The following GLIS3 variants were observed in gnomAD, a reference collection of about 807,000 sequenced individuals.
GLIS3 encodes zinc finger protein GLIS3.
Under a neutral mutation model 78.6 loss-of-function variants are expected in GLIS3, and 53 were observed. The ratio of observed to expected loss-of-function variants is 0.67; its 90% CI spans 0.54 to 0.85. GLIS3 has a LOEUF of 0.85. Ranked by LOEUF, GLIS3 falls within the 40% of genes least tolerant of loss-of-function variation. The pLI is 0.00. For missense variants in GLIS3, 1,703 were observed against 1,231.1 expected (o/e 1.38, Z -5.74); for synonymous variants, 684 against 509.9 (o/e 1.34, Z -4.60).
chr9:4,153,493 G>A (rs1331720318), intron 2 of GLIS3, among the ~76,000 whole-genome samples: 1 of 152,098 alleles, frequency 6.6e-6, no homozygotes, highest in Non-Finnish European at 1.5e-5. Flanking sequence ...CAGCCCAGGA[G>A]GCAGAGGTTG....
intron 4 of GLIS3, among the ~76,000 whole-genome samples, chr9:4,057,978 T>C (rs1465017878): frequency 1.3e-5 from 2 of 152,202 alleles, no homozygotes; most frequent in Non-Finnish European, 2.9e-5. Context: ...TTTATCTTTA[T>C]TCTGGGTTTT....
At chr9:4,189,542 G>A (rs1818132418) in intron 2 of GLIS3, among the ~76,000 whole-genome samples, 1 of 152,096 alleles carries the variant, frequency 6.6e-6, no homozygotes, top group South Asian at 2.1e-4. Flanking sequence ...CAATTCCTGG[G>A]TATCGTTGTT....
At chr9:3,976,883 G>A (rs552141793) in intron 4 of GLIS3, among the ~76,000 whole-genome samples, 3 of 93,598 alleles carry the variant, frequency 3.2e-5, no homozygotes, top group Admixed American at 2.5e-4. Context: ...AAAAAAAAAA[G>A]CTTCTGACAA....
intron 2 of GLIS3, among the ~76,000 whole-genome samples, chr9:4,283,513 G>A (rs1827739533): frequency 6.6e-6 from 1 of 152,020 alleles, no homozygotes; most frequent in Non-Finnish European, 1.5e-5. Context: ...TGATCTGCCT[G>A]CCTTGGCCTC....
rs922568278 is a variant in GLIS3, at chr9:4,277,685, A to T, written c.388+8353T>A. Among the ~76,000 whole-genome samples, 4 of 152,228 alleles carry T rather than the reference A, an allele frequency of 2.6e-5. No homozygotes were observed. The South Asian group carries it at 8.3e-4, about 31-fold the overall frequency. ...AATGTCAGAAGCCCTGAAGTAAAATAAAAACTCTTATAATGAAAATCTTCC... is the reference window on the plus strand; with the variant it reads ...AATGTCAGAAGCCCTGAAGTAAAATTAAAACTCTTATAATGAAAATCTTCC... On this transcript the variant is annotated intron_variant, in intron 2 of 10. Transcript: ENST00000381971.
intron 2 of GLIS3, among the ~76,000 whole-genome samples, chr9:4,332,772 G>A (rs1817704230): frequency 6.6e-6 from 1 of 152,172 alleles, no homozygotes; most frequent in Admixed American, 6.5e-5. Context: ...TGATACAAAT[G>A]TACATAGGTG....
At chr9:3,841,533 G>A (rs551312007) in intron 9 of GLIS3, among the ~76,000 whole-genome samples, 1 of 152,306 alleles carries the variant, frequency 6.6e-6, no homozygotes, top group African/African-American at 2.4e-5. Flanking sequence ...AGGATTCAGT[G>A]CCCAGCTACC....
chr9:4,434,473 A>T, the GLIS3 span, among the ~76,000 whole-genome samples: 1 of 152,210 alleles, frequency 6.6e-6, no homozygotes, highest in Non-Finnish European at 1.5e-5. Context: ...AAATAATAGA[A>T]GCTTTGGGGA....
At chr9:4,158,658 A>G (rs1835224032) in intron 2 of GLIS3, among the ~76,000 whole-genome samples, 1 of 152,204 alleles carries the variant, frequency 6.6e-6, no homozygotes, top group African/African-American at 2.4e-5. Flanking sequence ...TCATTTGTCC[A>G]TCCATTAATT....
At chr9:4,229,647 C>G (rs1048890572) in intron 2 of GLIS3, among the ~76,000 whole-genome samples, 18 of 152,116 alleles carry the variant, frequency 1.2e-4, no homozygotes, top group Admixed American at 1.0e-3. Context: ...TTAACATTTG[C>G]TTTTTAAAGA....
intron 4 of GLIS3, among the ~76,000 whole-genome samples, chr9:4,009,947 C>T (rs1403346969): frequency 1.3e-5 from 2 of 152,192 alleles, no homozygotes; most frequent in South Asian, 2.1e-4. Flanking sequence ...CCAAGTTTTC[C>T]TCTGCCAAAC....
chr9:4,415,304 T>C, the GLIS3 span, among the ~76,000 whole-genome samples: 1 of 152,168 alleles, frequency 6.6e-6, no homozygotes, highest in African/African-American at 2.4e-5. Context: ...TCTCTCACTA[T>C]CTCAGTCCTG....
chr9:3,833,257 T>TG (rs1407235549), intron 9 of GLIS3, among the ~76,000 whole-genome samples: 1 of 152,278 alleles, frequency 6.6e-6, no homozygotes, highest in East Asian at 1.9e-4. Flanking sequence ...CTTTATTAAA[T>TG]CTCTCCAAGT....
chr9:4,063,918 A>C (rs1005505014), intron 4 of GLIS3, among the ~76,000 whole-genome samples: 2 of 152,206 alleles, frequency 1.3e-5, no homozygotes, highest in Non-Finnish European at 2.9e-5. Flanking sequence ...AAAAAAGTGA[A>C]ATCATAAGTA....
intron 2 of GLIS3, among the ~76,000 whole-genome samples, chr9:4,270,908 TGTGTGTGTGTGTGTGTG>T (rs1826446200): frequency 1.3e-5 from 1 of 78,594 alleles, no homozygotes; most frequent in African/African-American, 3.0e-5. Context: ...TGTGTGTGTG[TGTGTGTGTGTGTGTGTG>T]TGTGTGTGTA....
At chr9:4,007,417 C>A (rs1821639356) in intron 4 of GLIS3, among the ~76,000 whole-genome samples, 1 of 152,170 alleles carries the variant, frequency 6.6e-6, no homozygotes, top group South Asian at 2.1e-4. Flanking sequence ...CTTCCTTACC[C>A]TGGTACCAGA....
chr9:4,109,134 A>G (rs1366443158), intron 4 of GLIS3, among the ~76,000 whole-genome samples: 1 of 152,056 alleles, frequency 6.6e-6, no homozygotes, highest in Non-Finnish European at 1.5e-5. Flanking sequence ...ATTTAGTCTG[A>G]GCAGAAAAAA....
rs557270764 is a variant in GLIS3, at chr9:4,200,214, A to G, written c.389-74273T>C. On this transcript the variant is annotated intron_variant, in intron 2 of 10. Coordinates refer to ENST00000381971, the MANE Select transcript of GLIS3 (RefSeq NM_001042413.2). ...ACCTTGCAAAATTATAAAGATCTCA[A>G]ATTAATGAACTAACCTCAAACCTAG... 9.8e-5 allele frequency among the ~76,000 whole-genome samples: 15 copies of G among 152,336 alleles called. 1 individual carries two copies. In the South Asian group the frequency reaches 2.9e-3, roughly 29 times the overall value.
chr9:3,828,556 T>C (rs1588038921), intron 10 of GLIS3, 148 bp from the exon 11 acceptor site: 1 of 988,874 alleles, frequency 1.0e-6, no homozygotes. Flanking sequence ...GAGTCTCTGT[T>C]TCCAGCGACC....
Sources: gnomAD v4.1 joint callset for allele counts (sites outside exome capture counted in the v4.1 genomes callset) on GRCh38, gnomAD v4.1.1 for gene constraint, MANE v1.5 for transcripts, NCBI Gene and HGNC (gene_info 2026-07-23, HGNC 2026-07-21) for gene names.